C8orf34: variants seen among roughly 807,000 people sequenced by gnomAD.
C8orf34 encodes the protein uncharacterized protein C8orf34.
A neutral mutation model predicts 68.3 loss-of-function variants in C8orf34; 65 were observed. That is an observed-to-expected ratio of 0.95 (90% CI 0.78 to 1.17). The LOEUF is 1.17. Ranked by LOEUF, C8orf34 falls within the 50% of genes most tolerant of loss-of-function variation. C8orf34 has a pLI of 0.00. For synonymous variants in C8orf34, 244 were observed against 241.2 expected (o/e 1.01, Z -0.11); for missense variants, 664 against 655.4 (o/e 1.01, Z -0.14).
intron 11 of C8orf34, among the ~76,000 whole-genome samples, chr8:68,778,135 T>G (rs1585868554): frequency 2.0e-5 from 3 of 152,238 alleles, no homozygotes; most frequent in Non-Finnish European, 1.5e-5. Context: ...ATATATGTAC[T>G]TAAACTCTTC....
chr8:68,604,954 A>G (rs964967189), intron 7 of C8orf34, among the ~76,000 whole-genome samples: 3 of 152,182 alleles, frequency 2.0e-5, no homozygotes, highest in Non-Finnish European at 4.4e-5. Flanking sequence ...TGCAAAAGGC[A>G]TATCTGATTA....
intron 1 of C8orf34, among the ~76,000 whole-genome samples, chr8:68,433,589 TGG>T (rs1310301893): frequency 6.6e-6 from 1 of 152,212 alleles, no homozygotes; most frequent in Non-Finnish European, 1.5e-5. Flanking sequence ...AGTGCCATGC[TGG>T]GTGTGTGCTG....
At chr8:68,794,635 C>T (rs764777651) in intron 12 of C8orf34, among the ~76,000 whole-genome samples, 1 of 150,046 alleles carries the variant, frequency 6.7e-6, no homozygotes. Context: ...TACAGGTTTA[C>T]ACCACCACAC....
chr8:68,391,518 A>G (rs1248057160), intron 1 of C8orf34, among the ~76,000 whole-genome samples: 1 of 152,172 alleles, frequency 6.6e-6, no homozygotes, highest in East Asian at 1.9e-4. Context: ...GGTCCAAGAT[A>G]TCTTTCCTCT....
intron 1 of C8orf34, among the ~76,000 whole-genome samples, chr8:68,410,372 A>G (rs1809393780): frequency 6.6e-6 from 1 of 152,210 alleles, no homozygotes; most frequent in Non-Finnish European, 1.5e-5. Flanking sequence ...AATAATACAA[A>G]TGAAAACAGT....
At chr8:68,439,099 T>C in intron 1 of C8orf34, 1 of 153,420 alleles carries the variant, frequency 6.5e-6, no homozygotes, top group East Asian at 1.9e-4. Flanking sequence ...ATGATATTGA[T>C]ATAAGGTAGA....
At chr8:68,504,755 C>T (rs1378501796) in intron 5 of C8orf34, among the ~76,000 whole-genome samples, 1 of 151,530 alleles carries the variant, frequency 6.6e-6, no homozygotes, top group Non-Finnish European at 1.5e-5. Flanking sequence ...TCTCAGCTCA[C>T]TGCAACCTCC....
rs28861458 is a variant in C8orf34 at position 68,810,725 on chromosome 8, T to C, written c.1550-5161T>C. On this transcript the variant is annotated intron_variant, in intron 12 of 13. Transcript: ENST00000518698. ...CCAGAGACTCCAACTGGGTAGCTCC[T>C]CTCTATAGGCAGGTCATCCTGACAT... Among the ~76,000 whole-genome samples the C allele has an allele frequency of 9.7e-3, 1,475 of 152,202 alleles. 17 individuals are homozygous for C. The highest frequency in any genetic ancestry group is 0.034 in the African/African-American group (1,404 of 41,540).
intron 12 of C8orf34, among the ~76,000 whole-genome samples, chr8:68,810,581 CAGTCCTGCTGTTTGGGGGGTTGCA>C (rs1364424738): frequency 6.6e-6 from 1 of 152,182 alleles, no homozygotes. Flanking sequence ...AAAGCTCTTT[CAGTCCTGCTGTTTGGGGGGTTGCA>C]AGTTCTTGTC....
chr8:68,700,144 ACCAAAAAC>A (rs1226353223), intron 8 of C8orf34, among the ~76,000 whole-genome samples: 1 of 152,116 alleles, frequency 6.6e-6, no homozygotes, highest in Non-Finnish European at 1.5e-5. Context: ...ACCGACAAAT[ACCAAAAAC>A]CCAAAAACAA....
At chr8:68,614,116 G>T (rs546705095) in intron 7 of C8orf34, among the ~76,000 whole-genome samples, 1 of 152,050 alleles carries the variant, frequency 6.6e-6, no homozygotes, top group Non-Finnish European at 1.5e-5. Context: ...CATGTCCTTC[G>T]CCCACTTTTT....
At chr8:68,638,245 T>C (rs1249603650) in intron 7 of C8orf34, among the ~76,000 whole-genome samples, 1 of 152,096 alleles carries the variant, frequency 6.6e-6, no homozygotes, top group Non-Finnish European at 1.5e-5. Flanking sequence ...ATTTAATTAG[T>C]ATTCATTTGA....
At chr8:68,794,505 A>ATTTTTTTTTT (rs57673879) in intron 12 of C8orf34, among the ~76,000 whole-genome samples, 1 of 62,234 alleles carries the variant, frequency 1.6e-5, no homozygotes, top group African/African-American at 1.2e-4. Flanking sequence ...ATATATATAT[A>ATTTTTTTTTT]TTTTTTTTTT....
upstream of C8orf34, chr8:68,330,746 T>G: frequency 1.1e-5 from 4 of 365,740 alleles, no homozygotes; most frequent in Middle Eastern, 7.2e-4. Context: ...GCCCGGGCTG[T>G]TTGTTCCGTC....
intron 1 of C8orf34, among the ~76,000 whole-genome samples, chr8:68,373,310 A>T (rs369201088): frequency 6.6e-6 from 1 of 152,188 alleles, no homozygotes; most frequent in Non-Finnish European, 1.5e-5. Context: ...TGGTAATTTC[A>T]TAACTGTCAA....
chr8:68,350,396 A>G (rs1806462751), intron 1 of C8orf34, among the ~76,000 whole-genome samples: 1 of 151,978 alleles, frequency 6.6e-6, no homozygotes, highest in Admixed American at 6.6e-5. Context: ...GACGAGAAAA[A>G]TGTATATTCT....
intron 7 of C8orf34, among the ~76,000 whole-genome samples, chr8:68,604,391 T>C (rs1042514099): frequency 9.9e-5 from 15 of 151,682 alleles, no homozygotes; most frequent in African/African-American, 3.6e-4. Context: ...AGATAAACAA[T>C]GTTTACTTTA....
intron 7 of C8orf34, among the ~76,000 whole-genome samples, chr8:68,588,807 G>A (rs1246586279): frequency 2.0e-5 from 3 of 152,096 alleles, no homozygotes; most frequent in Non-Finnish European, 2.9e-5. Context: ...AAGACTAAAA[G>A]TTAGTCCTCT....
intron 6 of C8orf34, 27 bp downstream of exon 6, chr8:68,521,998 T>C (rs1814777859): frequency 6.3e-7 from 1 of 1,593,886 alleles, no homozygotes; most frequent in Non-Finnish European, 8.6e-7. Context: ...GCTGAGATTC[T>C]ATATTACTAG....
Sources: gnomAD v4.1 joint callset for allele counts (sites outside exome capture counted in the v4.1 genomes callset) on GRCh38, gnomAD v4.1.1 for gene constraint, MANE v1.5 for transcripts, NCBI Gene and HGNC (gene_info 2026-07-23, HGNC 2026-07-21) for gene names.